Variants in GPRIN2 observed in about 807,000 individuals in gnomAD.
GPRIN2 encodes the protein G protein regulated inducer of neurite outgrowth 2, also known as G protein-regulated inducer of neurite outgrowth 2.
Under a neutral mutation model 0.3 loss-of-function variants are expected in GPRIN2, and 1 was observed. The observed-to-expected ratio is 3.90, with a 90% CI of 1.39 to 18.51. The LOEUF (loss-of-function observed/expected upper bound fraction) is 18.51. Ranked by LOEUF, GPRIN2 falls within the 30% of genes most tolerant of loss-of-function variation. GPRIN2 has a pLI of 0.11. For synonymous variants in GPRIN2, 361 were observed against 258.6 expected, an observed-to-expected ratio of 1.40 and a Z score of -3.80; for missense variants, 880 against 604.2, an observed-to-expected ratio of 1.46 and a Z score of -4.79.
In GPRIN2 at chr10:46,548,645, A is replaced by T. The variant is rs1488265409; in HGVS notation, c.*715T>A. ...AGGGGCAGCCTCTGTCTCATTCACC[A>T]CAGAATCCACAGAACCCAGCACAGA... On this transcript the variant is annotated 3_prime_UTR_variant, in exon 3 of 3. Transcript: ENST00000374314. 6.6e-6 allele frequency among the ~76,000 whole-genome samples: 1 copy of T among 152,298 alleles called. No homozygotes were observed. Among genetic ancestry groups the T allele is most frequent in the African/African-American group, 2.4e-5 (1 of 41,486 alleles).
chr10:46,542,853 A>T lies in GPRIN2; in HGVS notation c.*6507T>A, dbSNP rs920397838. 2.0e-5 allele frequency among the ~76,000 whole-genome samples: 3 copies of T among 152,300 alleles called. No homozygotes were observed. The highest frequency in any genetic ancestry group is 4.4e-5 in the Non-Finnish European group (3 of 68,050). ...ACCCAATTACAAGCCATGCAAGAAGATTCTGAAAACATGGATGAGGAGATG... is the reference window on the plus strand; with the variant it reads ...ACCCAATTACAAGCCATGCAAGAAGTTTCTGAAAACATGGATGAGGAGATG... On this transcript the variant is annotated 3_prime_UTR_variant, in exon 3 of 3. Coordinates refer to ENST00000374314, the MANE Select transcript of GPRIN2 (RefSeq NM_001385282.1).
In GPRIN2 at chr10:46,544,358, C is replaced by G. The variant is rs1424848789; in HGVS notation, c.*5002G>C. On this transcript the variant is annotated 3_prime_UTR_variant, in exon 3 of 3. Transcript: ENST00000374314. ...TCTTTTTTTGAAACAGGGTCTGGCT[C>G]CGTCATCCAGGCTGGAGCACAGTGG... Among the ~76,000 whole-genome samples the G allele has an allele frequency of 1.3e-5, 2 of 152,310 alleles. No homozygotes were observed. Among genetic ancestry groups the G allele is most frequent in the African/African-American group, 2.4e-5 (1 of 41,488 alleles).
rs149688997 is a variant in GPRIN2, at chr10:46,550,189, G to C, written c.548C>G (p.Ser183Cys). 30 of 1,600,338 alleles carry C rather than the reference G, an allele frequency of 1.9e-5. No individual in the cohort carries two copies. The African/African-American group carries it at 3.6e-4, about 19-fold the overall frequency. ...CGCCCCCAGCATCCAGGCTGAGTTA[G>C]AAGTCTCATCCTCAGGAGCCAGGTC... ...ERDLAPEDETSNSAWMLGASQ... is the reference protein window; with the variant it reads ...ERDLAPEDETCNSAWMLGASQ... The change falls in exon 3 of 3, where the codon TCT (serine) becomes TGT (cysteine). Residue 183 changes from serine to cysteine, a missense_variant. Ser to Cys is a moderately radical substitution (Grantham distance 112, BLOSUM62 -1). Coordinates refer to ENST00000374314, the MANE Select transcript of GPRIN2 (RefSeq NM_001385282.1).
rs1201821638 is a variant in GPRIN2, at chr10:46,545,717, C to A, written c.*3643G>T. Among the ~76,000 whole-genome samples the A allele has an allele frequency of 6.6e-6, 1 of 152,310 alleles. No individual in the cohort carries two copies. Among genetic ancestry groups the A allele is most frequent in the African/African-American group, 2.4e-5 (1 of 41,486 alleles). On this transcript the variant is annotated 3_prime_UTR_variant, in exon 3 of 3. Transcript: ENST00000374314. The stretch of plus-strand genomic sequence containing the variant: ...CCAAGCTGGCAGGGTAAGAGGTGGC[C>A]CCTGAATGTGGCTATGAGAGGGGTG...
rs1833055111 is a variant in GPRIN2, at chr10:46,542,748, C to T, written c.*6612G>A. 2.0e-4 allele frequency among the ~76,000 whole-genome samples: 30 copies of T among 152,400 alleles called. No homozygotes were observed. The highest frequency in any genetic ancestry group is 6.8e-3 in the Middle Eastern group (2 of 294). On this transcript the variant is annotated 3_prime_UTR_variant, in exon 3 of 3. Coordinates refer to ENST00000374314, the MANE Select transcript of GPRIN2 (RefSeq NM_001385282.1). ...AGTCCCTAGCCTTGGCTCTTGGACACGAATCCAGTTCCTGACAGCAGAGAA... is the reference window on the plus strand; with the variant it reads ...AGTCCCTAGCCTTGGCTCTTGGACATGAATCCAGTTCCTGACAGCAGAGAA...
At chr10:46,552,877 G>A (rs1842769767) in intron 2 of GPRIN2, among the ~76,000 whole-genome samples, 1 of 152,308 alleles carries the variant, frequency 6.6e-6, no homozygotes, top group Admixed American at 6.5e-5. Flanking sequence ...GGAGGATCAG[G>A]AAGAGGAGGA....
In GPRIN2 at chr10:46,549,672, T is replaced by G; in HGVS notation, c.1065A>C (p.Glu355Asp). Reference sequence around the variant, plus strand: ...GGAACACATGCAGGGCTGCAGGCGCTTCCAGGGACGGACTGGTGGCCACAG... The same window carrying G: ...GGAACACATGCAGGGCTGCAGGCGCGTCCAGGGACGGACTGGTGGCCACAG... ...CKAVATSPSL[E>D]APAALHVFPE... The change falls in exon 3 of 3, where the codon GAA becomes GAC. Residue 355 changes from glutamate to aspartate, a missense_variant. Coordinates refer to ENST00000374314, the MANE Select transcript of GPRIN2 (RefSeq NM_001385282.1). The G allele has an allele frequency of 6.2e-7, 1 of 1,614,158 alleles. No homozygotes were observed.
At chr10:46,552,820 T>C (rs1842764054) in intron 2 of GPRIN2, among the ~76,000 whole-genome samples, 1 of 152,304 alleles carries the variant, frequency 6.6e-6, no homozygotes. Context: ...CTGGTAAGGA[T>C]GTCCCATCCC....
At chr10:46,556,380 G>C (rs1588981213) in intron 1 of GPRIN2, among the ~76,000 whole-genome samples, 118 bp downstream of exon 1, 1 of 152,422 alleles carries the variant, frequency 6.6e-6, no homozygotes, top group East Asian at 1.9e-4. Context: ...CAGGGGCCAG[G>C]ATGCCGGGGG....
In GPRIN2 at chr10:46,549,906, C is replaced by G; in HGVS notation, c.831G>C (p.Lys277Asn). 6.2e-7 allele frequency: 1 copy of G among 1,614,278 alleles called. No homozygotes were observed. Among genetic ancestry groups the G allele is most frequent in the Non-Finnish European group, 8.5e-7 (1 of 1,180,060 alleles). Residue 277 changes from lysine to asparagine, a missense_variant, in exon 3 of 3, where the codon AAG (lysine) becomes AAC (asparagine). By Grantham distance (94) the Lys-to-Asn change is moderately conservative. Coordinates refer to ENST00000374314, the MANE Select transcript of GPRIN2 (RefSeq NM_001385282.1). ...GCCCCCCAGACAACCTACAGTGGAT[C>G]TTCACCCCATGCTGAGCCTGCAGCC... ...ESGLQAQHGV[K>N]IHCRLSGGLP...
chr10:46,550,338 G>C lies in GPRIN2; in HGVS notation c.399C>G (p.His133Gln). 2 of 1,613,100 alleles carry C rather than the reference G, an allele frequency of 1.2e-6. No homozygotes were observed. The highest frequency in any genetic ancestry group is 1.7e-6 in the Non-Finnish European group (2 of 1,179,952). ...DLVRSTQMRG[H>Q]SGARKASLSC... Reference sequence around the variant, plus strand: ...TGAGACTGGCCTTCCGAGCACCACTGTGTCCCCGCATCTGGGTGCTACGGA... The same window carrying C: ...TGAGACTGGCCTTCCGAGCACCACTCTGTCCCCGCATCTGGGTGCTACGGA... The change falls in exon 3 of 3, where the codon CAC becomes CAG. Residue 133 changes from histidine to glutamine, a missense_variant. Coordinates refer to ENST00000374314, the MANE Select transcript of GPRIN2 (RefSeq NM_001385282.1).
rs1555018016 is a variant in GPRIN2 at position 46,549,753 on chromosome 10, G to A, written c.984C>T (p.Ser328=). The A allele has an allele frequency of 1.2e-6, 2 of 1,614,196 alleles. No individual in the cohort carries two copies. The highest frequency in any genetic ancestry group is 8.5e-7 in the Non-Finnish European group (1 of 1,180,018). Residue 328 remains serine, a synonymous_variant, in exon 3 of 3, where the codon TCC becomes TCT. Coordinates refer to ENST00000374314, the MANE Select transcript of GPRIN2 (RefSeq NM_001385282.1). ...SANDLAPAEA[S]PLSAQDAGVQ... ...CACCAGCATCCTGGGCTGACAGCGG[G>A]GATGCCTCTGCAGGGGCCAAGTCAT... is the stretch of plus-strand genomic sequence containing the variant.
rs1245319313 is a variant in GPRIN2, at chr10:46,546,397, C to A, written c.*2963G>T. The stretch of plus-strand genomic sequence containing the variant: ...GGGCTCTAGGACTCCAGGGTTTATG[C>A]TCCAAAGAACAGAATTTACCAGGAC... On this transcript the variant is annotated 3_prime_UTR_variant, in exon 3 of 3. Transcript: ENST00000374314. Among the ~76,000 whole-genome samples the A allele has an allele frequency of 6.6e-6, 1 of 152,310 alleles. No individual in the cohort carries two copies. Among genetic ancestry groups the A allele is most frequent in the Non-Finnish European group, 1.5e-5 (1 of 68,058 alleles).
chr10:46,553,385 G>A (rs1832050609), intron 2 of GPRIN2, among the ~76,000 whole-genome samples: 4 of 152,424 alleles, frequency 2.6e-5, no homozygotes, highest in Non-Finnish European at 4.4e-5. Context: ...TGGGACAGCT[G>A]TGGTCACTGC....
In GPRIN2 at chr10:46,548,339, C is replaced by T. The variant is rs1309988392; in HGVS notation, c.*1021G>A. On this transcript the variant is annotated 3_prime_UTR_variant, in exon 3 of 3. Coordinates refer to ENST00000374314, the MANE Select transcript of GPRIN2 (RefSeq NM_001385282.1). ...GCGAGCCCCCACAGCCTCACAGCCC[C>T]TACCCCAGGGCCAGGGCAAACTCCT... 1.3e-5 allele frequency among the ~76,000 whole-genome samples: 2 copies of T among 152,308 alleles called. No individual in the cohort carries two copies. Among genetic ancestry groups the T allele is most frequent in the South Asian group, 2.1e-4 (1 of 4,838 alleles).
At chr10:46,550,820 A>T in intron 2 of GPRIN2, 78 bp from the exon 3 acceptor site, 1 of 1,443,326 alleles carries the variant, frequency 6.9e-7, no homozygotes, top group East Asian at 2.5e-5. Flanking sequence ...GAACTCCCAC[A>T]GTGCTAGGTT....
chr10:46,554,237 C>G (rs907973384), intron 2 of GPRIN2, among the ~76,000 whole-genome samples: 35 of 152,292 alleles, frequency 2.3e-4, no homozygotes, highest in African/African-American at 8.0e-4. Flanking sequence ...GCCAGAGAGG[C>G]CCTTTTCAGA....
rs1283722296 is a variant in GPRIN2 at position 46,544,214 on chromosome 10, C to A, written c.*5146G>T. Among the ~76,000 whole-genome samples, 1 of 152,310 alleles carries A rather than the reference C, an allele frequency of 6.6e-6. No homozygotes were observed. The highest frequency in any genetic ancestry group is 1.5e-5 in the Non-Finnish European group (1 of 68,058). ...TTCCCAGAAACCACACAGAGGAGCC[C>A]GGGTGTGCCAGAAACAGCCTTTCAT... On this transcript the variant is annotated 3_prime_UTR_variant, in exon 3 of 3. Transcript: ENST00000374314.
In GPRIN2 at chr10:46,545,908, C is replaced by G. The variant is rs1374465074; in HGVS notation, c.*3452G>C. 6.6e-6 allele frequency among the ~76,000 whole-genome samples: 1 copy of G among 152,428 alleles called. No individual in the cohort carries two copies. ...TTGTAACTTGCCCAAGATCACATGG[C>G]TATAGGTGTGGATCCTATATATCCA... On this transcript the variant is annotated 3_prime_UTR_variant, in exon 3 of 3. Transcript: ENST00000374314.
Sources: gnomAD v4.1 joint callset for allele counts (sites outside exome capture counted in the v4.1 genomes callset) on GRCh38, gnomAD v4.1.1 for gene constraint, MANE v1.5 for transcripts, NCBI Gene and HGNC (gene_info 2026-07-23, HGNC 2026-07-21) for gene names.